LOC128125817: variants seen among roughly 807,000 people sequenced by gnomAD.
chr1:41,628,611 A>T, the LOC128125817 span: 6 of 694,428 alleles, frequency 8.6e-6, no homozygotes, highest in Admixed American at 4.3e-5. Context: ...AACAACTTTC[A>T]CAGAGGCACC....
chr1:41,598,231 T>C, the LOC128125817 span, among the ~76,000 whole-genome samples: 1 of 152,180 alleles, frequency 6.6e-6, no homozygotes, highest in Non-Finnish European at 1.5e-5. Context: ...AAATTCCACA[T>C]TTGCTGCAGT....
chr1:41,592,585 G>T, the LOC128125817 span, among the ~76,000 whole-genome samples: 14 of 152,230 alleles, frequency 9.2e-5, no homozygotes, highest in East Asian at 7.7e-4. Flanking sequence ...AACCCTCCCC[G>T]TGGGACTGAC....
the LOC128125817 span, among the ~76,000 whole-genome samples, chr1:41,621,438 G>T: frequency 6.6e-6 from 1 of 152,204 alleles, no homozygotes; most frequent in East Asian, 1.9e-4. Context: ...CCCAAGGGAG[G>T]GCCTGCAGCC....
chr1:41,602,796 G>A, the LOC128125817 span, among the ~76,000 whole-genome samples: 1 of 151,796 alleles, frequency 6.6e-6, no homozygotes, highest in East Asian at 1.9e-4. Flanking sequence ...AGGTCTTTGA[G>A]GTATAAAGTT....
the LOC128125817 span, among the ~76,000 whole-genome samples, chr1:41,610,072 C>T: frequency 6.6e-6 from 1 of 152,220 alleles, no homozygotes; most frequent in Admixed American, 6.5e-5. Context: ...GCTCCTCCTT[C>T]CTGGATCTCC....
chr1:41,589,131 A>G, the LOC128125817 span, among the ~76,000 whole-genome samples: 1 of 152,250 alleles, frequency 6.6e-6, no homozygotes, highest in Non-Finnish European at 1.5e-5. Flanking sequence ...TAAAGAAAAG[A>G]GCCACTTTTC....
At chr1:41,601,576 T>C in the LOC128125817 span, among the ~76,000 whole-genome samples, 8 of 152,184 alleles carry the variant, frequency 5.3e-5, no homozygotes, top group African/African-American at 1.9e-4. Flanking sequence ...GAAATGCCAC[T>C]GATTTTTGTA....
the LOC128125817 span, among the ~76,000 whole-genome samples, chr1:41,598,361 A>C: frequency 6.6e-6 from 1 of 152,222 alleles, no homozygotes; most frequent in Non-Finnish European, 1.5e-5. Flanking sequence ...TAGGTAGTTA[A>C]GGTTCTTGTG....
chr1:41,588,131 G>A, the LOC128125817 span, among the ~76,000 whole-genome samples: 1 of 152,186 alleles, frequency 6.6e-6, no homozygotes, highest in African/African-American at 2.4e-5. Flanking sequence ...AATCAGACAT[G>A]GTAGACATGG....
At chr1:41,586,322 A>T in the LOC128125817 span, among the ~76,000 whole-genome samples, 2 of 152,140 alleles carry the variant, frequency 1.3e-5, no homozygotes, top group Admixed American at 1.3e-4. Context: ...CCAAGGCTGG[A>T]GTCACCATGG....
At chr1:41,594,010 T>C in the LOC128125817 span, among the ~76,000 whole-genome samples, 2 of 152,188 alleles carry the variant, frequency 1.3e-5, no homozygotes, top group Admixed American at 1.3e-4. Context: ...CATTCTAATA[T>C]TGACTCCTCT....
the LOC128125817 span, among the ~76,000 whole-genome samples, chr1:41,623,321 A>G: frequency 6.6e-6 from 1 of 152,180 alleles, no homozygotes; most frequent in South Asian, 2.1e-4. Flanking sequence ...CCCCTCTCCA[A>G]GATAAAAAGG....
At chr1:41,615,507 C>T in the LOC128125817 span, among the ~76,000 whole-genome samples, 9 of 152,202 alleles carry the variant, frequency 5.9e-5, no homozygotes, top group African/African-American at 9.7e-5. Flanking sequence ...AGAAGGGATT[C>T]GCGCAAGACC....
the LOC128125817 span, among the ~76,000 whole-genome samples, chr1:41,619,468 A>G: frequency 6.6e-6 from 1 of 152,208 alleles, no homozygotes; most frequent in East Asian, 1.9e-4. Context: ...GTGTGTAGTG[A>G]CGATATGTTT....
At chr1:41,605,338 GT>G in the LOC128125817 span, among the ~76,000 whole-genome samples, 10 of 151,180 alleles carry the variant, frequency 6.6e-5, no homozygotes, top group Non-Finnish European at 7.4e-5. Flanking sequence ...ACATCTTGAT[GT>G]GGTTACATAG....
chr1:41,622,206 G>A, the LOC128125817 span, among the ~76,000 whole-genome samples: 19 of 152,332 alleles, frequency 1.2e-4, no homozygotes, highest in African/African-American at 4.6e-4. Context: ...CCCTCTCATG[G>A]AGAGACAGAT....
chr1:41,615,970 T>C, the LOC128125817 span, among the ~76,000 whole-genome samples: 1 of 152,026 alleles, frequency 6.6e-6, no homozygotes, highest in Non-Finnish European at 1.5e-5. Context: ...TTAACAAGTG[T>C]GTTTTCTCTC....
chr1:41,623,835 C>A, the LOC128125817 span, among the ~76,000 whole-genome samples: 1 of 152,208 alleles, frequency 6.6e-6, no homozygotes, highest in South Asian at 2.1e-4. Flanking sequence ...CTCGGGTATC[C>A]TTTTTCCTCC....
At chr1:41,604,064 C>A in the LOC128125817 span, among the ~76,000 whole-genome samples, 5 of 152,234 alleles carry the variant, frequency 3.3e-5, no homozygotes, top group African/African-American at 9.7e-5. Flanking sequence ...ACAACTGGAA[C>A]TCTTCTTGTG....
Sources: gnomAD v4.1 joint callset for allele counts (sites outside exome capture counted in the v4.1 genomes callset) on GRCh38, gnomAD v4.1.1 for gene constraint, MANE v1.5 for transcripts.